The following MOSMO variants were observed in gnomAD, a reference collection of about 807,000 sequenced individuals.
The protein encoded by MOSMO is modulator of smoothened, also known as modulator of smoothened protein.
Under a neutral mutation model 18.4 loss-of-function variants are expected in MOSMO, and 5 were observed. The observed-to-expected ratio is 0.27, with a 90% CI of 0.14 to 0.57. MOSMO has a LOEUF of 0.57. MOSMO is among the 20% of genes least tolerant of loss of function. MOSMO has a pLI of 0.92. For missense variants in MOSMO, 138 were observed against 211.8 expected (o/e 0.65, Z 2.16); for synonymous variants, 82 against 82.3 (o/e 1.00, Z 0.02).
chr16:22,052,040 A>C (rs972912505), intron 1 of MOSMO, among the ~76,000 whole-genome samples: 3 of 152,200 alleles, frequency 2.0e-5, no homozygotes, highest in Non-Finnish European at 2.9e-5. Context: ...GAACATTTTA[A>C]ATGCATATAC....
intron 1 of MOSMO, among the ~76,000 whole-genome samples, chr16:22,066,795 G>A (rs1275992352): frequency 6.6e-6 from 1 of 152,200 alleles, no homozygotes; most frequent in East Asian, 1.9e-4. Context: ...GATTTCCATA[G>A]TTGTCACATT....
chr16:22,068,853 T>C (rs938099719), intron 1 of MOSMO, among the ~76,000 whole-genome samples: 2 of 152,240 alleles, frequency 1.3e-5, no homozygotes, highest in South Asian at 2.1e-4. Flanking sequence ...TGTAAAGATA[T>C]GTAGTCTCTT....
intron 2 of MOSMO, among the ~76,000 whole-genome samples, chr16:22,076,758 T>C (rs936112543): frequency 6.6e-6 from 1 of 152,256 alleles, no homozygotes; most frequent in African/African-American, 2.4e-5. Flanking sequence ...CCTAAAGGGC[T>C]GCAGGAGAGT....
chr16:22,033,583 C>T (rs1475643560), intron 1 of MOSMO, among the ~76,000 whole-genome samples: 1 of 151,888 alleles, frequency 6.6e-6, no homozygotes, highest in Admixed American at 6.6e-5. Context: ...TTTGGGAAGC[C>T]GAGGCGGGCA....
At chr16:22,077,387 A>G (rs1900990968) in intron 2 of MOSMO, among the ~76,000 whole-genome samples, 1 of 152,186 alleles carries the variant, frequency 6.6e-6, no homozygotes, top group Admixed American at 6.5e-5. Context: ...TATTTTTTAA[A>G]TAATTTAACT....
At chr16:22,030,712 A>G (rs1899976535) in intron 1 of MOSMO, among the ~76,000 whole-genome samples, 1 of 152,170 alleles carries the variant, frequency 6.6e-6, no homozygotes, top group South Asian at 2.1e-4. Flanking sequence ...TATTTTTAGT[A>G]GAGACGGAGT....
chr16:22,008,541 G>T lies in MOSMO; in HGVS notation c.106+134G>T, dbSNP rs894309714. The T allele has an allele frequency of 6.9e-6, 4 of 583,384 alleles. No individual in the cohort carries two copies. In the African/African-American group the frequency reaches 7.9e-5, roughly 11 times the overall value. The allele number at this position is 583,384 out of a possible 1,614,324, so 36.1% of individuals were successfully genotyped here. A position where few individuals can be genotyped will look rare whatever the true frequency, so the allele number is the denominator to read the frequency against. On this transcript the variant is annotated intron_variant, in intron 1 of 2. Coordinates refer to ENST00000542527, the MANE Select transcript of MOSMO (RefSeq NM_001164579.2). ...AGCCTGAGGAGACCGGGGGCGGAGG[G>T]GAGACCCGGGCCGCGGAGGAAAGGG...
chr16:22,037,700 G>C (rs1900134716), intron 1 of MOSMO, among the ~76,000 whole-genome samples: 1 of 152,160 alleles, frequency 6.6e-6, no homozygotes. Flanking sequence ...AGAACTCAGG[G>C]AAATACTTAC....
At chr16:22,040,846 C>T (rs1900196688) in intron 1 of MOSMO, among the ~76,000 whole-genome samples, 1 of 152,130 alleles carries the variant, frequency 6.6e-6, no homozygotes, top group African/African-American at 2.4e-5. Flanking sequence ...CGCCTATAGT[C>T]CCAGCTACCC....
chr16:22,023,050 A>G (rs1443201935), intron 1 of MOSMO, among the ~76,000 whole-genome samples: 1 of 152,218 alleles, frequency 6.6e-6, no homozygotes, highest in Non-Finnish European at 1.5e-5. Flanking sequence ...TCATCTTCTT[A>G]TGATGAAACG....
chr16:22,033,411 G>A (rs1441094078), intron 1 of MOSMO, among the ~76,000 whole-genome samples: 2 of 151,508 alleles, frequency 1.3e-5, no homozygotes, highest in Non-Finnish European at 2.9e-5. Context: ...TTTTTGAGAG[G>A]GAGTCTCACT....
chr16:22,049,587 C>G (rs568842196), intron 1 of MOSMO, among the ~76,000 whole-genome samples: 1 of 152,226 alleles, frequency 6.6e-6, no homozygotes, highest in South Asian at 2.1e-4. Flanking sequence ...CATATAAAGA[C>G]TATTACCCCT....
At chr16:22,064,770 T>C (rs907246583) in intron 1 of MOSMO, among the ~76,000 whole-genome samples, 1 of 152,190 alleles carries the variant, frequency 6.6e-6, no homozygotes, top group Non-Finnish European at 1.5e-5. Flanking sequence ...TGTATGGATT[T>C]ATCTACACTT....
Position 22,075,709 on chromosome 16 carries a change from C to G in MOSMO, c.319+10C>G. Reference sequence around the variant, plus strand: ...ATAGCATTCACTGGAAGTAAGTAACCTGTGCTTACTAAATTTGTCTAGAAG... The same window carrying G: ...ATAGCATTCACTGGAAGTAAGTAACGTGTGCTTACTAAATTTGTCTAGAAG... On this transcript the variant is annotated intron_variant, in intron 2 of 2. Coordinates refer to ENST00000542527, the MANE Select transcript of MOSMO (RefSeq NM_001164579.2). 3 of 1,299,004 alleles carry G rather than the reference C, an allele frequency of 2.3e-6. No individual in the cohort carries two copies. Among genetic ancestry groups the G allele is most frequent in the Non-Finnish European group, 3.0e-6 (3 of 1,003,314 alleles). The allele number at this position is 1,299,004 out of a possible 1,614,324, so 80.5% of individuals were successfully genotyped here. A position where few individuals can be genotyped will look rare whatever the true frequency, so the allele number is the denominator to read the frequency against.
At chr16:22,074,272 T>C (rs1010284868) in intron 1 of MOSMO, among the ~76,000 whole-genome samples, 5 of 151,906 alleles carry the variant, frequency 3.3e-5, no homozygotes, top group African/African-American at 7.3e-5. Flanking sequence ...TGTGTTCATA[T>C]TGAGAAAATA....
At chr16:22,016,061 G>A (rs967670430) in intron 1 of MOSMO, among the ~76,000 whole-genome samples, 44 of 152,138 alleles carry the variant, frequency 2.9e-4, no homozygotes, top group African/African-American at 1.0e-3. Flanking sequence ...TGCTTAGTGT[G>A]ACCAAAAACA....
In MOSMO at chr16:22,081,419, A is replaced by C. The variant is rs2141788711; in HGVS notation, c.*539A>C. The C allele has an allele frequency of 6.6e-6, 1 of 151,608 alleles. No individual in the cohort carries two copies. Among genetic ancestry groups the C allele is most frequent in the East Asian group, 1.9e-4 (1 of 5,172 alleles). The allele number at this position is 151,608 out of a possible 1,614,324, so 9.4% of individuals were successfully genotyped here. On this transcript the variant is annotated 3_prime_UTR_variant, in exon 3 of 3. Transcript: ENST00000542527. ...GAATGGATTGCCGTTGCATTACTGC[A>C]CCAAGAAGCCAATAGATCAAAACTT...
intron 1 of MOSMO, among the ~76,000 whole-genome samples, chr16:22,060,873 CA>C (rs1900630715): frequency 7.0e-6 from 1 of 143,334 alleles, no homozygotes; most frequent in Non-Finnish European, 1.5e-5. Flanking sequence ...AACTCTGTCT[CA>C]AAAAAAGAAA....
downstream of MOSMO, among the ~76,000 whole-genome samples, chr16:22,088,912 C>G (rs183244469): frequency 6.6e-6 from 1 of 151,708 alleles, no homozygotes; most frequent in East Asian, 1.9e-4. Context: ...ACATGAGCAG[C>G]TAAATCTATG....
Sources: allele counts gnomAD v4.1 joint callset (sites outside exome capture counted in the v4.1 genomes callset), GRCh38; gene constraint gnomAD v4.1.1; transcripts MANE v1.5; gene names NCBI Gene and HGNC (gene_info 2026-07-23, HGNC 2026-07-21).